LYSMD4: variants seen among roughly 807,000 people sequenced by gnomAD.
The protein encoded by LYSMD4 is lysM and putative peptidoglycan-binding domain-containing protein 4.
Under a neutral mutation model 6.1 loss-of-function variants are expected in LYSMD4, and 9 were observed. That is an observed-to-expected ratio of 1.47 (90% confidence interval 0.88 to 2.56). The LOEUF (loss-of-function observed/expected upper bound fraction) is 2.56, where lower values mean the gene tolerates loss of function less well. LYSMD4 is among the 30% of genes most tolerant of loss of function. The pLI is 0.00. For missense variants in LYSMD4, 384 were observed against 373.5 expected (o/e 1.03, Z -0.23); for synonymous variants, 143 against 148.5 (o/e 0.96, Z 0.27).
intron 2 of LYSMD4, 24 bp from the exon 3 acceptor site, chr15:99,729,755 T>A (rs750318381): frequency 6.4e-7 from 1 of 1,574,304 alleles, no homozygotes; most frequent in Non-Finnish European, 8.6e-7. Flanking sequence ...AAGATAAACA[T>A]CATAAAATAT....
downstream of LYSMD4, among the ~76,000 whole-genome samples, chr15:99,725,380 T>C (rs1409826482): frequency 6.6e-6 from 1 of 152,218 alleles, no homozygotes; most frequent in African/African-American, 2.4e-5. Context: ...TCACCACCTG[T>C]TTCTTTGTTG....
intron 1 of LYSMD4, 71 bp downstream of exon 1, chr15:99,733,274 G>C (rs1314717143): frequency 5.2e-6 from 2 of 386,546 alleles, no homozygotes; most frequent in Non-Finnish European, 9.2e-6. Context: ...AGCGAGGCCA[G>C]GTCGCCGTAC....
intron 2 of LYSMD4, 69 bp downstream of exon 2, chr15:99,731,649 C>T: frequency 6.6e-7 from 1 of 1,522,972 alleles, no homozygotes; most frequent in Non-Finnish European, 8.8e-7. Context: ...GGCAAGGGCA[C>T]CCACCCTGCA....
chr15:99,720,482 G>A (rs376442707), upstream of LYSMD4, among the ~76,000 whole-genome samples: 1 of 152,238 alleles, frequency 6.6e-6, no homozygotes, highest in African/African-American at 2.4e-5. Context: ...CAAGTTTCAA[G>A]GCTCTCAACT....
chr15:99,719,311 C>G (rs963326576), upstream of LYSMD4, among the ~76,000 whole-genome samples: 1 of 152,164 alleles, frequency 6.6e-6, no homozygotes, highest in Admixed American at 6.5e-5. Flanking sequence ...TTTCGGCACC[C>G]TCCCCATCCT....
upstream of LYSMD4, among the ~76,000 whole-genome samples, chr15:99,722,396 T>A (rs943757054): frequency 6.6e-6 from 1 of 152,190 alleles, no homozygotes; most frequent in Non-Finnish European, 1.5e-5. Context: ...TCAGAAGGAC[T>A]GAACTCATTC....
downstream of LYSMD4, among the ~76,000 whole-genome samples, chr15:99,722,685 A>G (rs1483314802): frequency 6.6e-6 from 1 of 152,216 alleles, no homozygotes; most frequent in Admixed American, 6.5e-5. Context: ...ATGATGAAAT[A>G]GAAGATATTT....
Position 99,727,801 on chromosome 15 carries a change from G to A in LYSMD4, c.*1322C>T, listed in dbSNP as rs1471646754. 1 of 152,228 alleles carries A rather than the reference G, an allele frequency of 6.6e-6. No homozygotes were observed. The highest frequency in any genetic ancestry group is 1.9e-4 in the East Asian group (1 of 5,194). 9.4% of individuals were successfully genotyped at this position (152,228 alleles called of 1,614,324 possible). On this transcript the variant is annotated 3_prime_UTR_variant, in exon 3 of 3. Transcript: ENST00000684762. ...TTTTCTCCAGGCCTCATGAGTCAAA[G>A]GCCATCACTGTCCCTCCACCGAGCA...
rs2862867 is a variant in LYSMD4 at position 99,728,379 on chromosome 15, T to C, written c.*744A>G. The C allele has an allele frequency of 0.46, 70,593 of 152,382 alleles. 19,391 individuals carry two copies. Among genetic ancestry groups the C allele is most frequent in the Non-Finnish European group, 0.6 (41,135 of 68,226 alleles). The allele number at this position is 152,382 out of a possible 1,614,324, so 9.4% of individuals were successfully genotyped here. A position where few individuals can be genotyped will look rare whatever the true frequency, so the allele number is the denominator to read the frequency against. Reference sequence around the variant, plus strand: ...CTTCCAAGGAGGACAAGTGGGAGAATCCAGAGAGCCACGCTGTGGGACGGC... The same window carrying C: ...CTTCCAAGGAGGACAAGTGGGAGAACCCAGAGAGCCACGCTGTGGGACGGC... On this transcript the variant is annotated 3_prime_UTR_variant, in exon 3 of 3. Coordinates refer to ENST00000684762, the MANE Select transcript of LYSMD4 (RefSeq NM_001284417.2).
upstream of LYSMD4, among the ~76,000 whole-genome samples, chr15:99,718,258 G>A (rs1022377046): frequency 1.3e-5 from 2 of 152,146 alleles, no homozygotes; most frequent in Admixed American, 6.5e-5. Context: ...GCATTTTGGC[G>A]GGAAAACCAC....
Position 99,728,977 on chromosome 15 carries a change from T to C in LYSMD4, c.*146A>G, listed in dbSNP as rs1003759714. 1 of 1,134,370 alleles carries C rather than the reference T, an allele frequency of 8.8e-7. No homozygotes were observed. The highest frequency in any genetic ancestry group is 1.3e-6 in the Non-Finnish European group (1 of 791,246). The allele number at this position is 1,134,370 out of a possible 1,614,324, so 70.3% of individuals were successfully genotyped here. On this transcript the variant is annotated 3_prime_UTR_variant, in exon 3 of 3. Transcript: ENST00000684762. ...TGGGTAAGGCCATGCCCAGGGCCAGTGCAATTGGGAATACTGCAGTGACTT... is the reference window on the plus strand; with the variant it reads ...TGGGTAAGGCCATGCCCAGGGCCAGCGCAATTGGGAATACTGCAGTGACTT...
chr15:99,724,025 G>C (rs1267361066), downstream of LYSMD4, among the ~76,000 whole-genome samples: 1 of 150,918 alleles, frequency 6.6e-6, no homozygotes, highest in Non-Finnish European at 1.5e-5. Context: ...ACTATTCATA[G>C]TTCCCTGTCT....
At chr15:99,733,187 C>T (rs1006625082) in intron 1 of LYSMD4, 158 bp downstream of exon 1, 1 of 373,690 alleles carries the variant, frequency 2.7e-6, no homozygotes, top group Non-Finnish European at 4.8e-6. Context: ...CAGCCCACGA[C>T]AGTCGCGGTC....
chr15:99,731,255 C>A, intron 2 of LYSMD4: 1 of 1,601,570 alleles, frequency 6.2e-7, no homozygotes, highest in Non-Finnish European at 8.5e-7. Flanking sequence ...TACAAAAGAC[C>A]ATGCAGTTCT....
upstream of LYSMD4, among the ~76,000 whole-genome samples, chr15:99,722,324 G>C (rs1309769298): frequency 3.3e-5 from 5 of 152,116 alleles, no homozygotes; most frequent in Non-Finnish European, 7.4e-5. Context: ...CGGGAGCAGG[G>C]CCGAATGAGT....
downstream of LYSMD4, among the ~76,000 whole-genome samples, chr15:99,725,165 T>C (rs12594983): frequency 0.93 from 141,495 of 152,220 alleles, 66,353 homozygotes; most frequent in Non-Finnish European, 0.99. Flanking sequence ...AGGCAAGGTG[T>C]TGGGAAGAAA....
intron 2 of LYSMD4, chr15:99,731,354 A>G (rs2059405471): frequency 1.9e-6 from 3 of 1,612,706 alleles, no homozygotes; most frequent in African/African-American, 1.3e-5. Context: ...AAAAGCAAGC[A>G]TACCATAGAA....
intron 2 of LYSMD4, among the ~76,000 whole-genome samples, chr15:99,730,042 C>T (rs1038455941): frequency 1.3e-5 from 2 of 152,188 alleles, no homozygotes; most frequent in Non-Finnish European, 2.9e-5. Flanking sequence ...TGCAACAAAT[C>T]GCTTTGGGCG....
intron 2 of LYSMD4, among the ~76,000 whole-genome samples, chr15:99,730,689 T>C (rs1364077968): frequency 6.6e-6 from 1 of 151,156 alleles, no homozygotes; most frequent in Non-Finnish European, 1.5e-5. Context: ...GATCTTTCTG[T>C]CTCTGCCTTC....
Sources: allele counts gnomAD v4.1 joint callset (sites outside exome capture counted in the v4.1 genomes callset), GRCh38; gene constraint gnomAD v4.1.1; transcripts MANE v1.5; gene names NCBI Gene and HGNC (gene_info 2026-07-23, HGNC 2026-07-21).